Variants in BCL11A observed in about 807,000 individuals in gnomAD.
BCL11A encodes BCL11 transcription factor A, also known as B cell CLL/lymphoma 11A.
A neutral mutation model predicts 55.9 loss-of-function variants in BCL11A; 2 were observed. The ratio of observed to expected loss-of-function variants is 0.04; its 90% confidence interval spans 0.01 to 0.11. The LOEUF (loss-of-function observed/expected upper bound fraction) is 0.11. Ranked by LOEUF, BCL11A falls within the 10% of genes least tolerant of loss-of-function variation. The pLI, the probability that BCL11A is intolerant of heterozygous loss-of-function variation, is 1.00. For synonymous variants in BCL11A, 465 were observed against 473.4 expected, an observed-to-expected ratio of 0.98 and a Z score of 0.23; for missense variants, 817 against 1,137.1, an observed-to-expected ratio of 0.72 and a Z score of 4.05.
At chr2:60,516,668 G>C (rs1313030657) in intron 2 of BCL11A, among the ~76,000 whole-genome samples, 1 of 152,216 alleles carries the variant, frequency 6.6e-6, no homozygotes, top group Non-Finnish European at 1.5e-5. Flanking sequence ...GGACAACTGG[G>C]AGTGAAAGTT....
rs1380644481 is a variant in BCL11A at position 60,461,266 on chromosome 2, C to T, written c.1646G>A (p.Gly549Asp). The change falls in exon 4 of 4, where the codon GGC becomes GAC. Residue 549 changes from glycine (G) to aspartate (D), a missense_variant. By Grantham distance (94) the Gly-to-Asp change is moderately conservative. Coordinates refer to ENST00000642384, the MANE Select transcript of BCL11A (RefSeq NM_022893.4). ...GTGCTGCATGGAGCTGAGCACCATG[C>T]CCTGCATGACGTCGGGCAGGGCGCG... ...ESRALPDVMQ[G>D]MVLSSMQHFS... 1 of 1,607,502 alleles carries T rather than the reference C, an allele frequency of 6.2e-7. No homozygotes were observed. Among genetic ancestry groups the T allele is most frequent in the Non-Finnish European group, 8.5e-7 (1 of 1,179,630 alleles).
At chr2:60,531,166 A>T (rs968405978) in intron 2 of BCL11A, among the ~76,000 whole-genome samples, 1 of 151,982 alleles carries the variant, frequency 6.6e-6, no homozygotes, top group African/African-American at 2.4e-5. Context: ...TTAGAGAAAA[A>T]AAAAAAAAGA....
chr2:60,470,585 G>A lies in BCL11A; in HGVS notation c.386-1752C>T, dbSNP rs1272206865. Among the ~76,000 whole-genome samples, 6 of 152,280 alleles carry A rather than the reference G, an allele frequency of 3.9e-5. No individual in the cohort carries two copies. The East Asian group carries it at 1.2e-3, about 29-fold the overall frequency. Reference sequence around the variant, plus strand: ...TCAAATTCTCTGCCACTTACTCTGGGAAGAGACCCTGAAGTGCTTCAGCAG... The same window carrying A: ...TCAAATTCTCTGCCACTTACTCTGGAAAGAGACCCTGAAGTGCTTCAGCAG... On this transcript the variant is annotated intron_variant, in intron 2 of 3. Coordinates refer to ENST00000642384, the MANE Select transcript of BCL11A (RefSeq NM_022893.4).
chr2:60,529,079 C>T (rs1291637541), intron 2 of BCL11A, among the ~76,000 whole-genome samples: 3 of 152,162 alleles, frequency 2.0e-5, no homozygotes, highest in Non-Finnish European at 4.4e-5. Flanking sequence ...CTCCCACCCA[C>T]GAGGGAGCTG....
chr2:60,458,714 T>A lies in BCL11A; in HGVS notation c.*1690A>T. 9.7e-7 allele frequency: 1 copy of A among 1,033,062 alleles called. No individual in the cohort carries two copies. Among genetic ancestry groups the A allele is most frequent in the Non-Finnish European group, 1.2e-6 (1 of 858,486 alleles). 64.0% of individuals were successfully genotyped at this position (1,033,062 alleles called of 1,614,324 possible). On this transcript the variant is annotated 3_prime_UTR_variant, in exon 4 of 4. Coordinates refer to ENST00000642384, the MANE Select transcript of BCL11A (RefSeq NM_022893.4). Reference sequence around the variant, plus strand: ...ATAGACCTGTAAACTGGGAAAATTGTACAGTGCACTTAATTGTCCTATCTG... The same window carrying A: ...ATAGACCTGTAAACTGGGAAAATTGAACAGTGCACTTAATTGTCCTATCTG...
At chr2:60,462,731 G>A (rs1676387036) in intron 3 of BCL11A, among the ~76,000 whole-genome samples, 1 of 152,186 alleles carries the variant, frequency 6.6e-6, no homozygotes, top group African/African-American at 2.4e-5. Context: ...CTCAACAAAT[G>A]TCTTCTAAAC....
At chr2:60,538,677 G>A (rs1188795598) in intron 2 of BCL11A, 2 of 150,864 alleles carry the variant, frequency 1.3e-5, no homozygotes, top group Non-Finnish European at 2.9e-5. Context: ...TACAAATGAA[G>A]GTACAGAAGT....
chr2:60,467,582 G>GTGGTGA (rs1278288964), intron 3 of BCL11A, among the ~76,000 whole-genome samples: 15 of 55,154 alleles, frequency 2.7e-4, no homozygotes, highest in Non-Finnish European at 3.2e-4. Flanking sequence ...GGTGGTAATG[G>GTGGTGA]TGGTGGTGGT....
At chr2:60,502,952 T>C (rs1330794623) in intron 2 of BCL11A, among the ~76,000 whole-genome samples, 1 of 152,212 alleles carries the variant, frequency 6.6e-6, no homozygotes, top group Non-Finnish European at 1.5e-5. Context: ...ACAGCCAGAC[T>C]TCTTTCTTGC....
intron 3 of BCL11A, among the ~76,000 whole-genome samples, chr2:60,465,044 C>T (rs578125771): frequency 1.3e-5 from 2 of 152,306 alleles, no homozygotes; most frequent in South Asian, 4.1e-4. Context: ...ATGGAGAGAG[C>T]TGCTTTGAAA....
chr2:60,461,475 G>T lies in BCL11A; in HGVS notation c.1437C>A (p.Ile479=), dbSNP rs368141249. 3 of 1,604,542 alleles carry T rather than the reference G, an allele frequency of 1.9e-6. No homozygotes were observed. The highest frequency in any genetic ancestry group is 2.5e-6 in the Non-Finnish European group (3 of 1,179,744). ...KFKSENDPNL[I]PENGDEEEEE... ...CTTCCTCCTCGTCCCCGTTCTCCGG[G>T]ATCAGGTTGGGGTCGTTCTCGCTCT... is the stretch of plus-strand genomic sequence containing the variant. The change falls in exon 4 of 4, where the codon ATC becomes ATA. Residue 479 remains isoleucine (I), a synonymous_variant. Coordinates refer to ENST00000642384, the MANE Select transcript of BCL11A (RefSeq NM_022893.4).
intron 2 of BCL11A, among the ~76,000 whole-genome samples, chr2:60,519,696 GGCC>G (rs1211936216): frequency 6.6e-6 from 1 of 152,166 alleles, no homozygotes; most frequent in African/African-American, 2.4e-5. Context: ...AGATTTCTGA[GGCC>G]AGTTCTGTTC....
chr2:60,509,600 G>T (rs956472116), intron 2 of BCL11A, among the ~76,000 whole-genome samples: 3 of 152,128 alleles, frequency 2.0e-5, no homozygotes, highest in African/African-American at 4.8e-5. Context: ...GAAACAAAGC[G>T]CATCTTTCTG....
chr2:60,459,110 T>C lies in BCL11A; in HGVS notation c.*1294A>G, dbSNP rs1205646935. Reference sequence around the variant, plus strand: ...TGTTCTAGTTTTAAATGGCAAATAGTACCACGTTGTGCTAATAAATCATAT... The same window carrying C: ...TGTTCTAGTTTTAAATGGCAAATAGCACCACGTTGTGCTAATAAATCATAT... On this transcript the variant is annotated 3_prime_UTR_variant, in exon 4 of 4. Transcript: ENST00000642384. The C allele has an allele frequency of 9.8e-7, 1 of 1,021,100 alleles. No homozygotes were observed. The highest frequency in any genetic ancestry group is 1.7e-5 in the African/African-American group (1 of 58,740). The allele number at this position is 1,021,100 out of a possible 1,614,324, so 63.3% of individuals were successfully genotyped here. A position where few individuals can be genotyped will look rare whatever the true frequency, so the allele number is the denominator to read the frequency against.
In BCL11A at chr2:60,468,587, C is replaced by T. The variant is rs536436264; in HGVS notation, c.487+145G>A. 6 of 554,068 alleles carry T rather than the reference C, an allele frequency of 1.1e-5. No homozygotes were observed. The East Asian group carries it at 1.5e-4, about 14-fold the overall frequency. 34.3% of individuals were successfully genotyped at this position (554,068 alleles called of 1,614,324 possible). A position where few individuals can be genotyped will look rare whatever the true frequency, so the allele number is the denominator to read the frequency against. On this transcript the variant is annotated intron_variant, in intron 3 of 3. Transcript: ENST00000642384. The stretch of plus-strand genomic sequence containing the variant: ...CTCTGGGGCTGAGTGGAGTGGGGAG[C>T]GGCTGCCAAGTGAGTAATGGAATAA...
At position 60,459,433 on chromosome 2, in the gene BCL11A, C is replaced by T; in HGVS notation, c.*971G>A. ...CAAAACAGCCCATTTCTTTTAAGCT[C>T]TCACCAGGAGCAAAGTAGCTTTTAT... On this transcript the variant is annotated 3_prime_UTR_variant, in exon 4 of 4. Transcript: ENST00000642384. The T allele has an allele frequency of 9.8e-7, 1 of 1,022,288 alleles. No homozygotes were observed. The highest frequency in any genetic ancestry group is 1.2e-6 in the Non-Finnish European group (1 of 851,556). 63.3% of individuals were successfully genotyped at this position (1,022,288 alleles called of 1,614,324 possible).
intron 2 of BCL11A, among the ~76,000 whole-genome samples, chr2:60,485,392 G>C (rs755548306): frequency 1.1e-4 from 16 of 152,256 alleles, no homozygotes; most frequent in Non-Finnish European, 2.2e-4. Context: ...CTACGGCCAT[G>C]TTGCTGTCAT....
chr2:60,541,872 TCA>T, intron 2 of BCL11A: 1 of 697,292 alleles, frequency 1.4e-6, no homozygotes, highest in East Asian at 2.8e-5. Context: ...ATTTATAGTC[TCA>T]TTTACAATTA....
chr2:60,531,802 TC>T (rs1325128877), intron 2 of BCL11A, among the ~76,000 whole-genome samples: 2 of 152,134 alleles, frequency 1.3e-5, no homozygotes, highest in Non-Finnish European at 2.9e-5. Context: ...ACAGGCTGCT[TC>T]CCTCTTCCTA....
Sources: gnomAD v4.1 joint callset for allele counts (sites outside exome capture counted in the v4.1 genomes callset) on GRCh38, gnomAD v4.1.1 for gene constraint, MANE v1.5 for transcripts, NCBI Gene and HGNC (gene_info 2026-07-23, HGNC 2026-07-21) for gene names.